Variants in UBE2G1 observed in about 807,000 individuals in gnomAD.
UBE2G1 encodes the protein ubiquitin-conjugating enzyme E2 G1.
Under a neutral mutation model 22.7 loss-of-function variants are expected in UBE2G1, and 5 were observed. The observed-to-expected ratio is 0.22, with a 90% CI of 0.12 to 0.46. The LOEUF is 0.46. Ranked by LOEUF, UBE2G1 falls within the 20% of genes least tolerant of loss-of-function variation. UBE2G1 has a pLI of 0.99. For missense variants in UBE2G1, 88 were observed against 203.9 expected (o/e 0.43, Z 3.46); for synonymous variants, 74 against 67.5 (o/e 1.10, Z -0.47).
At chr17:4,325,598 G>GT (rs905577935) in intron 1 of UBE2G1, among the ~76,000 whole-genome samples, 59 of 152,224 alleles carry the variant, frequency 3.9e-4, no homozygotes, top group African/African-American at 1.4e-3. Flanking sequence ...TGTAATCCCT[G>GT]TATCAAAATC....
chr17:4,361,228 A>C (rs577871989), intron 1 of UBE2G1, among the ~76,000 whole-genome samples: 7 of 148,332 alleles, frequency 4.7e-5, no homozygotes, highest in African/African-American at 1.6e-4. Context: ...GTGTTGGGAA[A>C]AAAAAAATGC....
chr17:4,335,251 T>G (rs1027952635), intron 1 of UBE2G1: 1 of 152,144 alleles, frequency 6.6e-6, no homozygotes, highest in African/African-American at 2.4e-5. Context: ...AAGACCGAGT[T>G]ATATCCTGAT....
chr17:4,353,450 T>C (rs1408454424), intron 1 of UBE2G1, among the ~76,000 whole-genome samples: 2 of 129,944 alleles, frequency 1.5e-5, no homozygotes, highest in Non-Finnish European at 3.2e-5. Context: ...GTTTCGTTGA[T>C]ATATATATAT....
At chr17:4,338,080 G>T (rs1172734561) in intron 1 of UBE2G1, among the ~76,000 whole-genome samples, 1 of 151,646 alleles carries the variant, frequency 6.6e-6, no homozygotes, top group Admixed American at 6.6e-5. Context: ...TGAGGCAGGA[G>T]AACTGCTTGA....
chr17:4,347,392 T>C (rs950615702), intron 1 of UBE2G1, among the ~76,000 whole-genome samples: 4 of 151,846 alleles, frequency 2.6e-5, no homozygotes, highest in Non-Finnish European at 5.9e-5. Flanking sequence ...AGCAAGTCTA[T>C]CAGTGCCATT....
chr17:4,332,982 G>C (rs1293849656), intron 1 of UBE2G1, among the ~76,000 whole-genome samples: 1 of 152,114 alleles, frequency 6.6e-6, no homozygotes, highest in African/African-American at 2.4e-5. Flanking sequence ...ATAAGAACAA[G>C]GGTTTTTGTT....
intron 1 of UBE2G1, among the ~76,000 whole-genome samples, chr17:4,342,821 A>G (rs1323559998): frequency 6.6e-6 from 1 of 152,138 alleles, no homozygotes; most frequent in Non-Finnish European, 1.5e-5. Flanking sequence ...CCTCACTCTG[A>G]GTAAAAGCCT....
chr17:4,307,375 G>A (rs1567519800), intron 1 of UBE2G1, among the ~76,000 whole-genome samples: 1 of 152,086 alleles, frequency 6.6e-6, no homozygotes, highest in Non-Finnish European at 1.5e-5. Flanking sequence ...ATTCTAAGTG[G>A]CCCTACAGTG....
chr17:4,279,797 AT>A (rs1968864176), intron 5 of UBE2G1, among the ~76,000 whole-genome samples: 1 of 5,994 alleles, frequency 1.7e-4, no homozygotes, highest in Non-Finnish European at 1.4e-3. Context: ...ATATATATAT[AT>A]ATATATATAT....
chr17:4,333,911 C>A (rs928328787), intron 1 of UBE2G1, among the ~76,000 whole-genome samples: 1 of 152,176 alleles, frequency 6.6e-6, no homozygotes, highest in Non-Finnish European at 1.5e-5. Context: ...TCACAGTTTT[C>A]ACTATTCCCT....
At chr17:4,280,896 G>A (rs1224607129) in intron 5 of UBE2G1, among the ~76,000 whole-genome samples, 1 of 152,154 alleles carries the variant, frequency 6.6e-6, no homozygotes, top group African/African-American at 2.4e-5. Context: ...GCCTCCCAAA[G>A]TGCTGGGATT....
chr17:4,362,120 C>A (rs1027275061), intron 1 of UBE2G1, among the ~76,000 whole-genome samples: 10 of 152,106 alleles, frequency 6.6e-5, no homozygotes, highest in Admixed American at 6.6e-4. Context: ...TTAAAAGTAT[C>A]TCCTGTGCTG....
rs563114795 is a variant in UBE2G1, at chr17:4,282,232, G to C, written c.*37+566C>G. 2.6e-5 allele frequency among the ~76,000 whole-genome samples: 4 copies of C among 152,208 alleles called. No individual in the cohort carries two copies. In the South Asian group the frequency reaches 8.3e-4, roughly 32 times the overall value. On this transcript the variant is annotated intron_variant, in intron 5 of 5. Coordinates refer to ENST00000396981, the MANE Select transcript of UBE2G1 (RefSeq NM_003342.5). ...TGAGTAGCTGGGATTACAGGCACAC[G>C]CCACCAGGCCTGGCTAATTTTTGTA...
intron 5 of UBE2G1, among the ~76,000 whole-genome samples, chr17:4,280,346 T>C (rs1380050967): frequency 1.6e-5 from 2 of 122,138 alleles, no homozygotes; most frequent in Admixed American, 8.3e-5. Context: ...CTTTTTTTTT[T>C]TTTTTTTTTT....
chr17:4,275,472 C>CT (rs1344609612), intron 5 of UBE2G1, among the ~76,000 whole-genome samples: 1 of 152,166 alleles, frequency 6.6e-6, no homozygotes, highest in East Asian at 1.9e-4. Flanking sequence ...ATTATGCCTG[C>CT]TTTTTAACCT....
chr17:4,346,700 C>A (rs556455498), intron 1 of UBE2G1, among the ~76,000 whole-genome samples: 195 of 151,452 alleles, frequency 1.3e-3, no homozygotes, highest in African/African-American at 4.5e-3. Context: ...TCCCAAAGTG[C>A]TGTGATTACA....
intron 5 of UBE2G1, among the ~76,000 whole-genome samples, chr17:4,274,112 C>G (rs1242047674): frequency 2.6e-5 from 4 of 151,244 alleles, no homozygotes; most frequent in African/African-American, 2.4e-5. Flanking sequence ...TCCCGAGTAG[C>G]TGGATCTACA....
At chr17:4,306,478 C>A (rs1403268752) in intron 2 of UBE2G1, among the ~76,000 whole-genome samples, 1 of 152,062 alleles carries the variant, frequency 6.6e-6, no homozygotes, top group Admixed American at 6.5e-5. Context: ...CATGAGCCAC[C>A]GCGCCCGGCC....
chr17:4,323,120 T>C (rs374246508), intron 1 of UBE2G1, among the ~76,000 whole-genome samples: 66 of 152,200 alleles, frequency 4.3e-4, no homozygotes, highest in Non-Finnish European at 8.1e-4. Context: ...AGGAGAAATA[T>C]TGGAAAGCAA....
Sources: allele counts gnomAD v4.1 joint callset (sites outside exome capture counted in the v4.1 genomes callset), GRCh38; gene constraint gnomAD v4.1.1; transcripts MANE v1.5; gene names NCBI Gene and HGNC (gene_info 2026-07-23, HGNC 2026-07-21).